Variants in PTPN9 observed in about 807,000 individuals in gnomAD.
The protein encoded by PTPN9 is protein tyrosine phosphatase non-receptor type 9, also known as tyrosine-protein phosphatase non-receptor type 9.
A neutral mutation model predicts 69.8 loss-of-function variants in PTPN9; 26 were observed. The observed-to-expected ratio is 0.37, with a 90% CI of 0.27 to 0.52. The LOEUF (loss-of-function observed/expected upper bound fraction) is 0.52, where lower values mean the gene tolerates loss of function less well. Ranked by LOEUF, PTPN9 falls within the 20% of genes least tolerant of loss-of-function variation. PTPN9 has a pLI of 0.91. For missense variants in PTPN9, 549 were observed against 740.3 expected, an observed-to-expected ratio of 0.74 and a Z score of 3.00; for synonymous variants, 274 against 272.5, an observed-to-expected ratio of 1.01 and a Z score of -0.05.
chr15:75,504,579 G>A (rs1160433627), intron 7 of PTPN9, among the ~76,000 whole-genome samples: 34 of 132,028 alleles, frequency 2.6e-4, no homozygotes, highest in South Asian at 5.0e-4. Flanking sequence ...CTGCCCTGCC[G>A]CCCCTACTGG....
rs772106450 is a variant in PTPN9 at position 75,508,934 on chromosome 15, C to T, written c.622G>A (p.Asp208Asn). ...PYSIISLLLK[D>N]KVRERIQILK... is the part of the protein sequence containing the mutation. ...TGCCTTACCCTCTCCCGGACTTTGT[C>T]CTTCAGGAGGAGACTGATGATGGAA... is the stretch of plus-strand genomic sequence containing the variant. The change falls in exon 6 of 13, where the codon GAC becomes AAC. Residue 208 changes from aspartate (D) to asparagine (N), a missense_variant. By Grantham distance (23) the Asp-to-Asn change is conservative. Transcript: ENST00000618819. 5.6e-6 allele frequency: 9 copies of T among 1,613,446 alleles called. No homozygotes were observed. Among genetic ancestry groups the T allele is most frequent in the Non-Finnish European group, 6.8e-6 (8 of 1,179,436 alleles).
At chr15:75,503,619 AGCCG>A (rs1255137478) in intron 7 of PTPN9, among the ~76,000 whole-genome samples, 1 of 130,550 alleles carries the variant, frequency 7.7e-6, no homozygotes, top group Non-Finnish European at 1.6e-5. Context: ...CCGCCCGGCC[AGCCG>A]CCCCGTCCGG....
intron 1 of PTPN9, among the ~76,000 whole-genome samples, chr15:75,549,164 T>C (rs2075046430): frequency 6.6e-6 from 1 of 152,120 alleles, no homozygotes; most frequent in Non-Finnish European, 1.5e-5. Context: ...AAAAGTGAGA[T>C]AATATGAATT....
Position 75,579,010 on chromosome 15 carries a change from G to A in PTPN9, c.-234C>T. 3.8e-6 allele frequency: 1 copy of A among 263,918 alleles called. No individual in the cohort carries two copies. The highest frequency in any genetic ancestry group is 7.1e-6 in the Non-Finnish European group (1 of 140,990). The allele number at this position is 263,918 out of a possible 1,614,324, so 16.3% of individuals were successfully genotyped here. On this transcript the variant is annotated 5_prime_UTR_variant, in exon 1 of 13. Transcript: ENST00000618819. The stretch of plus-strand genomic sequence containing the variant: ...GAGGAAATCCTTTTTTATATTATTC[G>A]CTCCGTTCCTCACACTCCCCCTTAT...
rs140798355 is a variant in PTPN9 at position 75,574,810 on chromosome 15, C to T, written c.63+3904G>A. On this transcript the variant is annotated intron_variant, in intron 1 of 12. Transcript: ENST00000618819. Reference sequence around the variant, plus strand: ...ACAAAAACTTAGCTGGGTGTGGTGGCGGGCGCCTGTAATCCCAGCTACTAG... The same window carrying T: ...ACAAAAACTTAGCTGGGTGTGGTGGTGGGCGCCTGTAATCCCAGCTACTAG... Among the ~76,000 whole-genome samples the T allele has an allele frequency of 5.7e-3, 865 of 150,946 alleles. 7 individuals are homozygous for T. Among genetic ancestry groups the T allele is most frequent in the African/African-American group, 0.019 (802 of 41,242 alleles).
At position 75,552,262 on chromosome 15, in the gene PTPN9, C is replaced by T. The variant is rs191274167; in HGVS notation, c.64-25001G>A. Among the ~76,000 whole-genome samples the T allele has an allele frequency of 2.4e-4, 37 of 151,320 alleles. No homozygotes were observed. The East Asian group carries it at 2.9e-3, about 12-fold the overall frequency. On this transcript the variant is annotated intron_variant, in intron 1 of 12. Transcript: ENST00000618819. ...AAAAAAAAAAAAAGTAGAAAATTAACGGGGCATGGTGGCGCATGCCTGTAT... is the reference window on the plus strand; with the variant it reads ...AAAAAAAAAAAAAGTAGAAAATTAATGGGGCATGGTGGCGCATGCCTGTAT...
chr15:75,540,559 A>AAAGAAAGAAAG (rs1555456493), intron 1 of PTPN9, among the ~76,000 whole-genome samples: 6 of 106,698 alleles, frequency 5.6e-5, no homozygotes, highest in African/African-American at 1.9e-4. Context: ...AAAAAAAAAA[A>AAAGAAAGAAAG]AAAGAAAGAA....
intron 9 of PTPN9, among the ~76,000 whole-genome samples, 190 bp downstream of exon 9, chr15:75,479,658 C>T (rs1360684925): frequency 1.3e-5 from 2 of 152,124 alleles, no homozygotes; most frequent in Non-Finnish European, 2.9e-5. Context: ...TTTCCAGGCA[C>T]ACCTGGTACA....
At chr15:75,530,776 T>C (rs1413518896) in intron 1 of PTPN9, among the ~76,000 whole-genome samples, 1 of 84,854 alleles carries the variant, frequency 1.2e-5, no homozygotes, top group Non-Finnish European at 2.1e-5. Flanking sequence ...TTATAATTAT[T>C]ATAATATAAT....
At chr15:75,476,533 T>G (rs1191524046) in intron 9 of PTPN9, among the ~76,000 whole-genome samples, 1 of 152,172 alleles carries the variant, frequency 6.6e-6, no homozygotes, top group Non-Finnish European at 1.5e-5. Flanking sequence ...CAGGCTGGTT[T>G]CAAATACCTG....
At chr15:75,514,962 C>T (rs2074862106) in intron 5 of PTPN9, among the ~76,000 whole-genome samples, 1 of 152,126 alleles carries the variant, frequency 6.6e-6, no homozygotes, top group Non-Finnish European at 1.5e-5. Context: ...GGTACGACTG[C>T]TTTGAAACAC....
At chr15:75,490,082 A>T in intron 8 of PTPN9, 126 bp downstream of exon 8, 1 of 771,598 alleles carries the variant, frequency 1.3e-6, no homozygotes, top group South Asian at 1.6e-5. Flanking sequence ...AGCAAAATAT[A>T]AACTCAAACC....
At chr15:75,507,662 G>C (rs1173113328) in intron 6 of PTPN9, among the ~76,000 whole-genome samples, 2 of 152,080 alleles carry the variant, frequency 1.3e-5, no homozygotes, top group Admixed American at 1.3e-4. Flanking sequence ...AGCTACTAGG[G>C]AGGCTGAGGC....
In PTPN9 at chr15:75,498,035, C is replaced by CA. The variant is rs540217177; in HGVS notation, c.968+7639dup. Among the ~76,000 whole-genome samples the CA allele has an allele frequency of 5.9e-3, 761 of 127,906 alleles. 3 individuals carry two copies. The Middle Eastern group carries it at 0.074, about 12-fold the overall frequency. 83.9% of individuals were successfully genotyped at this position (127,906 alleles called of 152,430 possible). On this transcript the variant is annotated intron_variant, in intron 7 of 12. Transcript: ENST00000618819. The stretch of plus-strand genomic sequence containing the variant: ...TGAAACCCCATCTTTACTAAAAATA[C>CA]AAAAAAAAAAATTAGCTGGGCGTGG...
At chr15:75,531,561 G>GTTTTTGT (rs1229400432) in intron 1 of PTPN9, among the ~76,000 whole-genome samples, 1 of 151,854 alleles carries the variant, frequency 6.6e-6, no homozygotes, top group Non-Finnish European at 1.5e-5. Context: ...CATGGTACCT[G>GTTTTTGT]TTTTTGTTTT....
intron 1 of PTPN9, among the ~76,000 whole-genome samples, chr15:75,528,607 T>C (rs146878997): frequency 5.3e-5 from 8 of 152,160 alleles, no homozygotes; most frequent in South Asian, 2.1e-4. Flanking sequence ...TAGCCCAGGA[T>C]TGGTCTCAAA....
intron 8 of PTPN9, among the ~76,000 whole-genome samples, chr15:75,486,781 GTTTTTTTTTTT>G (rs34430924): frequency 2.5e-5 from 3 of 118,528 alleles, no homozygotes; most frequent in African/African-American, 6.9e-5. Context: ...CATATGTGGT[GTTTTTTTTTTT>G]TTTTTTTTTG....
rs2075185221 is a variant in PTPN9, at chr15:75,578,718, T to C, written c.59A>G (p.Glu20Gly). The C allele has an allele frequency of 6.6e-6, 9 of 1,369,486 alleles. No homozygotes were observed. Among genetic ancestry groups the C allele is most frequent in the Non-Finnish European group, 8.5e-6 (9 of 1,058,410 alleles). 84.8% of individuals were successfully genotyped at this position (1,369,486 alleles called of 1,614,324 possible). ...GGCGGCCTCGGGCCCGCTTACCTGC[T>C]CCTCCTCCGGGGTCAGCTCCGGCGC... ...DMAPELTPEE[E>G]QATKQFLEEI... The change falls in exon 1 of 13, where the codon GAG becomes GGG. Residue 20 changes from glutamate (E) to glycine (G), a missense_variant. By Grantham distance (98) the Glu-to-Gly change is moderately conservative. This residue lies in a region of PTPN9 where 62 missense variants were observed against 53.6 expected (regional missense o/e 1.16). Transcript: ENST00000618819.
At chr15:75,562,791 CAAAAAAAAAAAAA>C (rs60164759) in intron 1 of PTPN9, among the ~76,000 whole-genome samples, 4 of 80,050 alleles carry the variant, frequency 5.0e-5, no homozygotes, top group South Asian at 4.9e-4. Context: ...AGACTCGTTT[CAAAAAAAAAAAAA>C]AAAAAAAAAA....
Sources: gnomAD v4.1 joint callset for allele counts (sites outside exome capture counted in the v4.1 genomes callset) on GRCh38, gnomAD v4.1.1 for gene constraint, gnomAD v4.1.1 regional missense constraint, MANE v1.5 for transcripts, NCBI Gene and HGNC (gene_info 2026-07-23, HGNC 2026-07-21) for gene names.